Variants in SPINK9 observed in about 807,000 individuals in gnomAD.
SPINK9 encodes serine peptidase inhibitor Kazal type 9.
SPINK9 carries 3 observed loss-of-function variants against 10.8 expected under a neutral mutation model. The ratio of observed to expected loss-of-function variants is 0.28; its 90% CI spans 0.13 to 0.72. SPINK9 has a LOEUF of 0.72. SPINK9 is among the 30% of genes least tolerant of loss of function. The probability of loss-of-function intolerance (pLI) is 0.74; values close to 1 mark genes in which losing one functional copy is unlikely to be tolerated. For missense variants in SPINK9, 101 were observed against 103.2 expected, an observed-to-expected ratio of 0.98 and a Z score of 0.09; for synonymous variants, 30 against 31.2, an observed-to-expected ratio of 0.96 and a Z score of 0.12.
chr5:148,335,155 T>C (rs1177458911), upstream of SPINK9, among the ~76,000 whole-genome samples: 1 of 152,220 alleles, frequency 6.6e-6, no homozygotes, highest in African/African-American at 2.4e-5. Flanking sequence ...TCACTCTATC[T>C]GAAACCTAGC....
rs1757100225 is a variant in SPINK9, at chr5:148,328,497, C to T, written c.118+4629C>T. On this transcript the variant is annotated intron_variant, in intron 2 of 4. Coordinates refer to the SPINK9 transcript ENST00000511717. ...TTCCTAATGGAATGCCCTTTATTTCCTTATCCTGCCTGATTGCCCTGGCCA... is the reference window on the plus strand; with the variant it reads ...TTCCTAATGGAATGCCCTTTATTTCTTTATCCTGCCTGATTGCCCTGGCCA... Among the ~76,000 whole-genome samples the T allele has an allele frequency of 2.6e-5, 4 of 152,070 alleles. No homozygotes were observed. In the South Asian group the frequency reaches 8.3e-4, roughly 32 times the overall value.
chr5:148,326,983 T>C (rs1470859566), intron 2 of SPINK9, among the ~76,000 whole-genome samples: 5 of 152,112 alleles, frequency 3.3e-5, no homozygotes, highest in Non-Finnish European at 7.3e-5. Context: ...TATGTGTGCA[T>C]GTGTCTTTAT....
chr5:148,338,588 C>T lies in SPINK9; in HGVS notation c.198C>T (p.Phe66=), dbSNP rs1360784185. ...SDGKTYKNDC[F]FCSKVKKTDG... ...GCAAAACTTATAAAAATGATTGCTTCTTCTGTTCTAAAGTTAAGTAAGTAT... is the reference window on the plus strand; with the variant it reads ...GCAAAACTTATAAAAATGATTGCTTTTTCTGTTCTAAAGTTAAGTAAGTAT... The change falls in exon 3 of 4, where the codon TTC becomes TTT. Residue 66 remains phenylalanine, a synonymous_variant. Coordinates refer to ENST00000377906, the MANE Select transcript of SPINK9 (RefSeq NM_001040433.2). The T allele has an allele frequency of 5.7e-6, 9 of 1,590,306 alleles. No homozygotes were observed. The highest frequency in any genetic ancestry group is 6.9e-6 in the Non-Finnish European group (8 of 1,161,514).
upstream of SPINK9, among the ~76,000 whole-genome samples, chr5:148,332,819 G>A (rs1230978570): frequency 6.6e-6 from 1 of 152,110 alleles, no homozygotes; most frequent in African/African-American, 2.4e-5. Flanking sequence ...TCTCTGAGAT[G>A]CTCCCTGACA....
intron 2 of SPINK9, among the ~76,000 whole-genome samples, chr5:148,325,930 G>T (rs1020415449): frequency 6.6e-6 from 1 of 152,054 alleles, no homozygotes; most frequent in Admixed American, 6.6e-5. Context: ...TATTTTGCAT[G>T]TGGATATCCA....
chr5:148,329,630 T>C (rs2113415800), intron 2 of SPINK9, among the ~76,000 whole-genome samples: 1 of 152,308 alleles, frequency 6.6e-6, no homozygotes, highest in Non-Finnish European at 1.5e-5. Flanking sequence ...CCTGCTTCTC[T>C]TGTGAGTATT....
At chr5:148,335,855 A>C (rs1384552228) in intron 1 of SPINK9, among the ~76,000 whole-genome samples, 187 bp downstream of exon 1, 1 of 152,216 alleles carries the variant, frequency 6.6e-6, no homozygotes, top group African/African-American at 2.4e-5. Context: ...GGATGTTAAC[A>C]GTCATCTAAA....
chr5:148,332,285 G>T (rs144342736), upstream of SPINK9, among the ~76,000 whole-genome samples: 169 of 152,324 alleles, frequency 1.1e-3, no homozygotes, highest in Non-Finnish European at 2.0e-3. Context: ...AATCTGAGGG[G>T]ATTTGCCACA....
intron 2 of SPINK9, among the ~76,000 whole-genome samples, chr5:148,330,408 T>G (rs1480095237): frequency 6.6e-6 from 1 of 152,204 alleles, no homozygotes; most frequent in Non-Finnish European, 1.5e-5. Context: ...TGTCTGCACG[T>G]GAGATGGGTT....
rs948125612 is a variant in SPINK9, at chr5:148,336,418, C to G, written c.56-4C>G. 4.3e-6 allele frequency: 7 copies of G among 1,613,152 alleles called. No homozygotes were observed. The Admixed American group carries it at 8.3e-5, about 19-fold the overall frequency. The stretch of plus-strand genomic sequence containing the variant: ...ATATTGCCTTGTCTTTGTTTTTCTT[C>G]CAGGTATAGAATGTGCCAAACAGAC... On this transcript the variant is annotated splice_region_variant and splice_polypyrimidine_tract_variant and intron_variant, in intron 1 of 3. Transcript: ENST00000377906.
At chr5:148,336,515 A>C (rs762959709) in intron 2 of SPINK9, 62 bp downstream of exon 2, 148 of 1,467,314 alleles carry the variant, frequency 1.0e-4, no homozygotes, top group Non-Finnish European at 3.9e-5. Flanking sequence ...GAAATATTTG[A>C]TACTACACAG....
intron 2 of SPINK9, among the ~76,000 whole-genome samples, chr5:148,326,112 G>C (rs1307796355): frequency 2.0e-5 from 3 of 152,082 alleles, no homozygotes; most frequent in Non-Finnish European, 2.9e-5. Flanking sequence ...CTTGAATGAA[G>C]ACATACAAAT....
chr5:148,330,165 C>T (rs1325670516), intron 2 of SPINK9, among the ~76,000 whole-genome samples: 1 of 152,106 alleles, frequency 6.6e-6, no homozygotes, highest in African/African-American at 2.4e-5. Flanking sequence ...TCACTAAGGA[C>T]TTGCTTTATG....
chr5:148,334,689 T>C (rs1445479076), upstream of SPINK9, among the ~76,000 whole-genome samples: 1 of 151,718 alleles, frequency 6.6e-6, no homozygotes, highest in East Asian at 1.9e-4. Context: ...CCAGCCTAGG[T>C]GATAAAGCAA....
In SPINK9 at chr5:148,338,582, T is replaced by G; in HGVS notation, c.192T>G (p.Asp64Glu). 1 of 1,593,434 alleles carries G rather than the reference T, an allele frequency of 6.3e-7. No individual in the cohort carries two copies. Among genetic ancestry groups the G allele is most frequent in the Non-Finnish European group, 8.6e-7 (1 of 1,163,658 alleles). ...CGSDGKTYKN[D>E]CFFCSKVKKT... ...CTGATGGCAAAACTTATAAAAATGA[T>G]TGCTTCTTCTGTTCTAAAGTTAAGT... The change falls in exon 3 of 4, where the codon GAT becomes GAG. Residue 64 changes from aspartate to glutamate, a missense_variant. Transcript: ENST00000377906.
upstream of SPINK9, among the ~76,000 whole-genome samples, chr5:148,334,548 T>C (rs1291322691): frequency 1.3e-5 from 2 of 152,024 alleles, no homozygotes; most frequent in Non-Finnish European, 2.9e-5. Flanking sequence ...CGGTCTGTAC[T>C]AAAAATGCAA....
rs13328218 is a variant in SPINK9 at position 148,338,054 on chromosome 5, T to C, written c.88-424T>C. ...AATGTACTAGTCATTAAAATGATAG[T>C]AGTTATCCCTACATTTCACACTTGC... On this transcript the variant is annotated intron_variant, in intron 2 of 3. Coordinates refer to ENST00000377906, the MANE Select transcript of SPINK9 (RefSeq NM_001040433.2). 8.8e-3 allele frequency among the ~76,000 whole-genome samples: 1,333 copies of C among 152,210 alleles called. 22 individuals are homozygous for C. Among genetic ancestry groups the C allele is most frequent in the African/African-American group, 0.031 (1,271 of 41,548 alleles).
rs774795005 is a variant in SPINK9, at chr5:148,335,637, A to G, written c.24A>G (p.Leu8=). 6.2e-7 allele frequency: 1 copy of G among 1,613,488 alleles called. No homozygotes were observed. Among genetic ancestry groups the G allele is most frequent in the Admixed American group, 1.7e-5 (1 of 59,984 alleles). The change falls in exon 1 of 4, where the codon CTA becomes CTG. Residue 8 remains leucine (L), a synonymous_variant. Coordinates refer to ENST00000377906, the MANE Select transcript of SPINK9 (RefSeq NM_001040433.2). MRATAIV[L]LLALTLATMF... ...CTATGAGAGCAACAGCCATAGTCCT[A>G]CTCTTGGCTCTGACACTTGCAACCA...
chr5:148,331,272 AT>A, upstream of SPINK9, among the ~76,000 whole-genome samples: 1 of 152,262 alleles, frequency 6.6e-6, no homozygotes, highest in East Asian at 1.9e-4. Flanking sequence ...GATATACACA[AT>A]GGAATATTAT....
Sources: allele counts gnomAD v4.1 joint callset (sites outside exome capture counted in the v4.1 genomes callset), GRCh38; gene constraint gnomAD v4.1.1; transcripts MANE v1.5; gene names NCBI Gene and HGNC (gene_info 2026-07-23, HGNC 2026-07-21).